Variants in GPC6 observed in about 807,000 individuals in gnomAD.
GPC6 encodes the protein glypican 6, also known as glypican-6.
A neutral mutation model predicts 55.2 loss-of-function variants in GPC6; 14 were observed. The observed-to-expected ratio is 0.25, with a 90% CI of 0.17 to 0.40. The LOEUF (loss-of-function observed/expected upper bound fraction) is 0.40. Among genes scored for constraint, GPC6 ranks in the 10% least tolerant of loss-of-function variants. GPC6 has a pLI of 1.00. For synonymous variants in GPC6, 278 were observed against 259.6 expected (o/e 1.07, Z -0.68); for missense variants, 641 against 708.5 (o/e 0.90, Z 1.08).
chr13:93,493,734 G>A (rs1249604887), intron 1 of GPC6, among the ~76,000 whole-genome samples: 14 of 123,944 alleles, frequency 1.1e-4, no homozygotes, highest in Admixed American at 1.6e-4. Context: ...CTTTGTTCTC[G>A]TTGGTTTCAA....
rs549022807 is a variant in GPC6 at position 93,743,146 on chromosome 13, T to C, written c.320-87008T>C. ...TATCATGAGCAACAGGGCCCAGAGA[T>C]AGAGACTGCAGGTAGAGAGGATATC... On this transcript the variant is annotated intron_variant, in intron 2 of 8. Transcript: ENST00000377047. 3.1e-3 allele frequency among the ~76,000 whole-genome samples: 472 copies of C among 152,164 alleles called. 3 individuals are homozygous for C. Among genetic ancestry groups the C allele is most frequent in the Non-Finnish European group, 5.8e-3 (397 of 68,000 alleles).
chr13:93,609,593 A>G (rs983945140), intron 2 of GPC6, among the ~76,000 whole-genome samples: 6 of 152,114 alleles, frequency 3.9e-5, no homozygotes, highest in African/African-American at 1.4e-4. Flanking sequence ...AATGTGTTGA[A>G]AACCCTCCCC....
At chr13:94,301,834 G>C (rs191654785) in intron 5 of GPC6, among the ~76,000 whole-genome samples, 5 of 152,242 alleles carry the variant, frequency 3.3e-5, no homozygotes, top group South Asian at 2.1e-4. Flanking sequence ...ATAACCAACT[G>C]ATCTACTGAC....
chr13:93,573,073 T>C (rs1408648920), intron 2 of GPC6, among the ~76,000 whole-genome samples: 1 of 152,050 alleles, frequency 6.6e-6, no homozygotes, highest in African/African-American at 2.4e-5. Flanking sequence ...AAAAAGTCAA[T>C]AGATATCTAT....
intron 2 of GPC6, among the ~76,000 whole-genome samples, chr13:93,670,274 G>A (rs1246225993): frequency 6.6e-5 from 10 of 152,150 alleles, no homozygotes; most frequent in Admixed American, 5.9e-4. Context: ...AAAAAGGCAT[G>A]GGATTCACTA....
intron 1 of GPC6, among the ~76,000 whole-genome samples, chr13:93,344,965 A>T (rs190731358): frequency 6.6e-6 from 1 of 152,270 alleles, no homozygotes; most frequent in African/African-American, 2.4e-5. Flanking sequence ...AATTCTTTCT[A>T]TTTATGTTGA....
At chr13:94,125,434 G>A (rs1886774590) in intron 4 of GPC6, among the ~76,000 whole-genome samples, 2 of 152,046 alleles carry the variant, frequency 1.3e-5, no homozygotes, top group Non-Finnish European at 2.9e-5. Context: ...TCTATATCAT[G>A]ATATGTTCAG....
At chr13:93,282,282 C>G (rs1877978175) in intron 1 of GPC6, among the ~76,000 whole-genome samples, 1 of 152,064 alleles carries the variant, frequency 6.6e-6, no homozygotes, top group East Asian at 1.9e-4. Context: ...AGAGGCAAAC[C>G]TAAGACTATT....
At chr13:93,765,280 T>TCCAGATAAGCTGTCTGGAAAGACAACTTA (rs1885088331) in intron 2 of GPC6, among the ~76,000 whole-genome samples, 1 of 101,818 alleles carries the variant, frequency 9.8e-6, no homozygotes, top group Non-Finnish European at 2.5e-5. Context: ...AAGACAACTT[T>TCCAGATAAGCTGTCTGGAAAGACAACTTA]CCAGATAAGC....
intron 1 of GPC6, among the ~76,000 whole-genome samples, chr13:93,503,410 T>A (rs12872372): frequency 0.45 from 67,745 of 152,084 alleles, 16,388 homozygotes; most frequent in Middle Eastern, 0.59. Context: ...AAGGGCAACA[T>A]TGAGCAATAA....
At chr13:93,939,839 A>G (rs554634799) in intron 3 of GPC6, among the ~76,000 whole-genome samples, 68 of 152,280 alleles carry the variant, frequency 4.5e-4, no homozygotes, top group African/African-American at 1.6e-3. Context: ...AGTGTATTAT[A>G]TACATTATCA....
At chr13:94,114,763 G>T (rs542915886) in intron 4 of GPC6, among the ~76,000 whole-genome samples, 68 of 152,192 alleles carry the variant, frequency 4.5e-4, no homozygotes, top group African/African-American at 1.6e-3. Flanking sequence ...AATCAGAAGA[G>T]AAAATATTAA....
chr13:94,053,800 G>A (rs897744338), intron 4 of GPC6, among the ~76,000 whole-genome samples: 9 of 152,268 alleles, frequency 5.9e-5, no homozygotes, highest in African/African-American at 1.9e-4. Flanking sequence ...TTTCCTAAGA[G>A]TTAAATTAGT....
Position 93,326,635 on chromosome 13 carries a change from A to G in GPC6, c.160+99019A>G, listed in dbSNP as rs921572855. The stretch of plus-strand genomic sequence containing the variant: ...TAGGTCATCTGGAAAATATTTCTTT[A>G]TGTCAAACATGTACAGAACATATTT... On this transcript the variant is annotated intron_variant, in intron 1 of 8. Coordinates refer to ENST00000377047, the MANE Select transcript of GPC6 (RefSeq NM_005708.5). 3.3e-5 allele frequency among the ~76,000 whole-genome samples: 5 copies of G among 152,196 alleles called. No homozygotes were observed. In the East Asian group the frequency reaches 9.6e-4, roughly 29 times the overall value.
At chr13:94,157,098 G>T (rs1887977279) in intron 4 of GPC6, among the ~76,000 whole-genome samples, 2 of 152,116 alleles carry the variant, frequency 1.3e-5, no homozygotes, top group Admixed American at 6.6e-5. Flanking sequence ...AAAAGATCCT[G>T]GGGCCAAGAC....
chr13:94,297,750 G>C (rs1258049330), intron 5 of GPC6, among the ~76,000 whole-genome samples: 1 of 152,074 alleles, frequency 6.6e-6, no homozygotes, highest in Non-Finnish European at 1.5e-5. Context: ...ATGAAAAGTG[G>C]ACAAAACTAA....
At chr13:93,593,164 ATAGT>A (rs1162448883) in intron 2 of GPC6, among the ~76,000 whole-genome samples, 5 of 152,292 alleles carry the variant, frequency 3.3e-5, no homozygotes, top group Middle Eastern at 3.4e-3. Flanking sequence ...AAAATCAGAA[ATAGT>A]TAAACATTTT....
chr13:94,207,031 G>A (rs574224728), intron 4 of GPC6, among the ~76,000 whole-genome samples: 15 of 152,062 alleles, frequency 9.9e-5, no homozygotes, highest in Admixed American at 2.6e-4. Context: ...TAGAGACACC[G>A]CTAGAACCCA....
chr13:93,655,207 A>G (rs560396314), intron 2 of GPC6, among the ~76,000 whole-genome samples: 90 of 152,082 alleles, frequency 5.9e-4, no homozygotes, highest in Non-Finnish European at 1.0e-3. Context: ...CTGTGGCTGA[A>G]TATTTGACAA....
Sources: gnomAD v4.1 joint callset for allele counts (sites outside exome capture counted in the v4.1 genomes callset) on GRCh38, gnomAD v4.1.1 for gene constraint, MANE v1.5 for transcripts, NCBI Gene and HGNC (gene_info 2026-07-23, HGNC 2026-07-21) for gene names.